RALGPS1: variants seen among roughly 807,000 people sequenced by gnomAD.
RALGPS1 encodes Ral GEF with PH domain and SH3 binding motif 1, also known as ras-specific guanine nucleotide-releasing factor RalGPS1.
RALGPS1 carries 19 observed loss-of-function variants against 78.8 expected under a neutral mutation model. That is an observed-to-expected ratio of 0.24 (90% CI 0.17 to 0.35). The LOEUF is 0.35. Ranked by LOEUF, RALGPS1 falls within the 10% of genes least tolerant of loss-of-function variation. RALGPS1 has a pLI of 1.00. For synonymous variants in RALGPS1, 228 were observed against 256.3 expected (o/e 0.89, Z 1.06); for missense variants, 454 against 688.3 (o/e 0.66, Z 3.81).
At chr9:126,958,142 A>ATAAATATATATATATATATATATAT (rs1554765217) in intron 1 of RALGPS1, among the ~76,000 whole-genome samples, 4 of 77,084 alleles carry the variant, frequency 5.2e-5, no homozygotes, top group Admixed American at 1.5e-4. Context: ...AAAAAAAAAA[A>ATAAATATATATATATATATATATAT]ATATATATAT....
intron 11 of RALGPS1, chr9:127,178,342 CT>C: frequency 1.7e-6 from 1 of 592,872 alleles, no homozygotes; most frequent in Non-Finnish European, 2.4e-6. Flanking sequence ...AAAAATGCAG[CT>C]GAATTGTGTG....
intron 8 of RALGPS1, among the ~76,000 whole-genome samples, chr9:127,092,987 A>C (rs77062378): frequency 5.4e-4 from 82 of 152,216 alleles, no homozygotes; most frequent in Admixed American, 2.0e-3. Context: ...TGCAACCCTG[A>C]GCAAATTACT....
intron 9 of RALGPS1, among the ~76,000 whole-genome samples, chr9:127,166,445 C>G (rs1242377164): frequency 6.6e-6 from 1 of 152,194 alleles, no homozygotes; most frequent in Non-Finnish European, 1.5e-5. Flanking sequence ...AGTTTAGTCA[C>G]TTGTCCACAA....
At chr9:127,057,680 G>A (rs2048856637) in intron 7 of RALGPS1, among the ~76,000 whole-genome samples, 1 of 152,196 alleles carries the variant, frequency 6.6e-6, no homozygotes, top group African/African-American at 2.4e-5. Context: ...TAAGCAAGAA[G>A]TTGTAGCAGC....
At chr9:126,931,966 A>G (rs1161998734) in intron 1 of RALGPS1, among the ~76,000 whole-genome samples, 1 of 143,620 alleles carries the variant, frequency 7.0e-6, no homozygotes, top group Admixed American at 7.1e-5. Context: ...TGGGATTAGC[A>G]TAGTCCACAG....
At chr9:126,988,887 G>A (rs765171935) in intron 4 of RALGPS1, among the ~76,000 whole-genome samples, 15 of 152,156 alleles carry the variant, frequency 9.9e-5, no homozygotes, top group Non-Finnish European at 2.1e-4. Context: ...AGAGGTAGGA[G>A]GAGGCCTAGT....
chr9:127,176,038 A>G (rs750170281), intron 11 of RALGPS1, among the ~76,000 whole-genome samples: 8 of 151,876 alleles, frequency 5.3e-5, no homozygotes, highest in Non-Finnish European at 1.2e-4. Context: ...TGCCTTTTCC[A>G]GCCTCTCCTG....
chr9:127,148,838 G>A (rs551777888), intron 8 of RALGPS1, among the ~76,000 whole-genome samples: 3 of 152,324 alleles, frequency 2.0e-5, no homozygotes, highest in East Asian at 3.9e-4. Flanking sequence ...TTCAGCCCTC[G>A]CTGTGGATGG....
At chr9:126,944,061 C>T (rs1435634373) in intron 1 of RALGPS1, among the ~76,000 whole-genome samples, 1 of 152,222 alleles carries the variant, frequency 6.6e-6, no homozygotes, top group Admixed American at 6.5e-5. Context: ...GCTCGCAGCC[C>T]ATGGGGGCCT....
intron 7 of RALGPS1, among the ~76,000 whole-genome samples, chr9:127,060,612 G>A (rs1054645020): frequency 6.6e-6 from 1 of 152,066 alleles, no homozygotes; most frequent in African/African-American, 2.4e-5. Context: ...TTGTATGACA[G>A]GGCCTTTTAC....
chr9:126,916,437 G>T (rs1244886697), intron 1 of RALGPS1, among the ~76,000 whole-genome samples: 5 of 152,154 alleles, frequency 3.3e-5, no homozygotes. Context: ...TCAGGCCTGA[G>T]GCTATGGAAG....
chr9:127,176,865 T>C (rs953191584), intron 11 of RALGPS1, among the ~76,000 whole-genome samples: 1 of 152,120 alleles, frequency 6.6e-6, no homozygotes, highest in African/African-American at 2.4e-5. Context: ...GCTCTGTCCA[T>C]CCACAGGCCA....
intron 7 of RALGPS1, among the ~76,000 whole-genome samples, chr9:127,058,107 AGAG>A (rs1012888789): frequency 6.6e-5 from 10 of 152,308 alleles, no homozygotes; most frequent in African/African-American, 2.4e-4. Flanking sequence ...TGTTCCAGGC[AGAG>A]GAGATGGCTG....
intron 8 of RALGPS1, among the ~76,000 whole-genome samples, chr9:127,152,433 T>C (rs55878724): frequency 0.017 from 2,565 of 152,296 alleles, 87 homozygotes; most frequent in African/African-American, 0.058. Flanking sequence ...TACAAATGAA[T>C]GTGAGAAGAT....
chr9:127,203,701 G>T (rs1413625419), intron 14 of RALGPS1, among the ~76,000 whole-genome samples: 1 of 152,208 alleles, frequency 6.6e-6, no homozygotes, highest in Admixed American at 6.5e-5. Flanking sequence ...TCCTGTCAGG[G>T]AAGCAGTTGT....
At chr9:127,137,302 T>TC (rs2057465819) in intron 8 of RALGPS1, among the ~76,000 whole-genome samples, 1 of 151,966 alleles carries the variant, frequency 6.6e-6, no homozygotes, top group Admixed American at 6.6e-5. Context: ...CCAGTTGGAG[T>TC]CCTTGTCTGG....
intron 8 of RALGPS1, among the ~76,000 whole-genome samples, chr9:127,075,015 T>G (rs2050554437): frequency 6.6e-6 from 1 of 152,254 alleles, no homozygotes; most frequent in South Asian, 2.1e-4. Flanking sequence ...AGTCTTGGGC[T>G]TCCAAGGGCA....
At chr9:127,017,949 G>T (rs1476300409) in intron 4 of RALGPS1, among the ~76,000 whole-genome samples, 13 of 152,090 alleles carry the variant, frequency 8.5e-5, no homozygotes, top group Non-Finnish European at 2.9e-5. Flanking sequence ...GGGCGCTGTG[G>T]CTCACACCTG....
At chr9:127,012,885 G>A (rs900543145) in intron 4 of RALGPS1, among the ~76,000 whole-genome samples, 6 of 152,272 alleles carry the variant, frequency 3.9e-5, no homozygotes, top group African/African-American at 1.2e-4. Context: ...AAGACCCCCT[G>A]CCTGGTATTT....
Sources: allele counts gnomAD v4.1 joint callset (sites outside exome capture counted in the v4.1 genomes callset), GRCh38; gene constraint gnomAD v4.1.1; transcripts MANE v1.5; gene names NCBI Gene and HGNC (gene_info 2026-07-23, HGNC 2026-07-21).